Variants in RNF19A observed in about 807,000 individuals in gnomAD.
RNF19A encodes E3 ubiquitin-protein ligase RNF19A.
Under a neutral mutation model 75.7 loss-of-function variants are expected in RNF19A, and 32 were observed. That is an observed-to-expected ratio of 0.42 (90% confidence interval 0.32 to 0.57). RNF19A has a LOEUF of 0.57. Among genes scored for constraint, RNF19A ranks in the 20% least tolerant of loss-of-function variants. RNF19A has a pLI of 0.10. For missense variants in RNF19A, 782 were observed against 1,036.3 expected (o/e 0.75, Z 3.37); for synonymous variants, 335 against 345.2 (o/e 0.97, Z 0.33).
chr8:100,278,335 GAAT>G, intron 2 of RNF19A, among the ~76,000 whole-genome samples: 1 of 152,314 alleles, frequency 6.6e-6, no homozygotes. Flanking sequence ...TATTAGGATT[GAAT>G]ATTAATATCT....
chr8:100,316,948 A>C (rs901529449), intron 1 of RNF19A, among the ~76,000 whole-genome samples: 89 of 152,206 alleles, frequency 5.8e-4, no homozygotes, highest in African/African-American at 2.1e-3. Context: ...TCGGTGAGAA[A>C]TCGAGCGCAG....
Position 100,261,122 on chromosome 8 carries a change from G to C in RNF19A, c.1682+420C>G, listed in dbSNP as rs1056384799. The stretch of plus-strand genomic sequence containing the variant: ...ATTTTTCTTTTTTTTTTTGAGACAG[G>C]GTCTCACTGTCACTCAGGTTGGAGC... On this transcript the variant is annotated intron_variant, in intron 8 of 9. Coordinates refer to ENST00000341084, the MANE Select transcript of RNF19A (RefSeq NM_183419.4). The surrounding 1 kb of genome is among the most constrained non-coding windows in gnomAD (Gnocchi z 4.4). 6.6e-6 allele frequency among the ~76,000 whole-genome samples: 1 copy of C among 151,686 alleles called. No homozygotes were observed. The highest frequency in any genetic ancestry group is 2.4e-5 in the African/African-American group (1 of 41,292).
At chr8:100,301,060 A>G (rs567798449) in intron 1 of RNF19A, among the ~76,000 whole-genome samples, 1 of 152,246 alleles carries the variant, frequency 6.6e-6, no homozygotes. Flanking sequence ...ATTTAGAGCT[A>G]GTAGGTTCGA....
chr8:100,287,723 T>C lies in RNF19A; in HGVS notation c.452A>G (p.His151Arg), dbSNP rs373732744. ...TAAGCAATCCACACAAGATCTGTGA[T>C]GACAAGTCATTATATCAGGAAATCT... The part of the protein sequence containing the change: ...KDRFPDIMTC[H>R]HRSCVDCLRQ... Residue 151 changes from histidine (H) to arginine (R), a missense_variant, in exon 2 of 10, where the codon CAT (histidine) becomes CGT (arginine). This residue lies in a region of RNF19A where 85 missense variants were observed against 177.7 expected (regional missense o/e 0.48). Transcript: ENST00000341084. The surrounding 1 kb of genome is among the most constrained non-coding windows in gnomAD (Gnocchi z 4.1). The C allele has an allele frequency of 3.1e-6, 5 of 1,613,986 alleles. No homozygotes were observed. The highest frequency in any genetic ancestry group is 4.2e-6 in the Non-Finnish European group (5 of 1,179,996).
chr8:100,290,164 G>A (rs1455122347), intron 1 of RNF19A, among the ~76,000 whole-genome samples: 6 of 152,180 alleles, frequency 3.9e-5, no homozygotes, highest in Admixed American at 3.3e-4. Context: ...GCCCAGGCTG[G>A]AGTGCAGTGA....
rs16898112 is a variant in RNF19A, at chr8:100,260,190, G to A, written c.1683-193C>T. On this transcript the variant is annotated intron_variant, in intron 8 of 9. Transcript: ENST00000341084. This position sits in a 1 kb window ranked among gnomAD's most constrained non-coding sequence, Gnocchi z 4.1. The stretch of plus-strand genomic sequence containing the variant: ...AGTACCAGCCATCCAAATAAAATGG[G>A]GAACATCAGCTGTCTGCCAAGTAAA... The A allele has an allele frequency of 0.022, 11,303 of 517,076 alleles. 1,042 individuals are homozygous for A. The highest frequency in any genetic ancestry group is 0.2 in the African/African-American group (9,908 of 50,164). The allele number at this position is 517,076 out of a possible 1,614,324, so 32.0% of individuals were successfully genotyped here. A position where few individuals can be genotyped will look rare whatever the true frequency, so the allele number is the denominator to read the frequency against.
At position 100,259,603 on chromosome 8, in the gene RNF19A, T is replaced by A. The variant is rs1281253831; in HGVS notation, c.1826+251A>T. 2.6e-5 allele frequency among the ~76,000 whole-genome samples: 4 copies of A among 152,156 alleles called. No individual in the cohort carries two copies. The highest frequency in any genetic ancestry group is 5.9e-5 in the Non-Finnish European group (4 of 68,030). On this transcript the variant is annotated intron_variant, in intron 9 of 9. Transcript: ENST00000341084. The surrounding 1 kb of genome is among the most constrained non-coding windows in gnomAD (Gnocchi z 4.5). ...ATCACCACTACCTAACTTCAGAACA[T>A]TTTCATGATCCCAAAAAGGGATCTT...
chr8:100,301,971 A>G (rs960259649), intron 1 of RNF19A, among the ~76,000 whole-genome samples: 1 of 152,166 alleles, frequency 6.6e-6, no homozygotes, highest in African/African-American at 2.4e-5. Context: ...AGCCACTGCA[A>G]AGCCCCTAAG....
chr8:100,329,754 C>G lies in RNF19A; in HGVS notation c.-243+6354G>C, dbSNP rs938468067. 6.6e-6 allele frequency among the ~76,000 whole-genome samples: 1 copy of G among 152,110 alleles called. No homozygotes were observed. Among genetic ancestry groups the G allele is most frequent in the Non-Finnish European group, 1.5e-5 (1 of 68,010 alleles). On this transcript the variant is annotated intron_variant, in intron 1 of 3. Transcript: ENST00000519527. The surrounding 1 kb of genome is among the most constrained non-coding windows in gnomAD (Gnocchi z 4.3). ...AAGTGTCTTCCAACACTTAAAGGAT[C>G]GTCTGATGAAAGAAGAAGTAGCTTC...
In RNF19A at chr8:100,288,071, T is replaced by C. The variant is rs761833362; in HGVS notation, c.104A>G (p.His35Arg). The change falls in exon 2 of 10, where the codon CAT becomes CGT. Residue 35 changes from histidine to arginine, a missense_variant. This residue lies in a region of RNF19A where 148 missense variants were observed against 147.9 expected (regional missense o/e 1.00). Transcript: ENST00000341084. ...ATCTCGATCTGAACCCATTTGCCGA[T>C]GTAAACTCATGTCTAAAATGCTTGT... ...ILTSILDMSL[H>R]RQMGSDRDLQ... The C allele has an allele frequency of 2.8e-5, 45 of 1,614,174 alleles. 1 individual carries two copies. Among genetic ancestry groups the C allele is most frequent in the Non-Finnish European group, 3.3e-5 (39 of 1,180,014 alleles).
Position 100,288,136 on chromosome 8 carries a change from A to C in RNF19A, c.39T>G (p.Asn13Lys), listed in dbSNP as rs746258656. The C allele has an allele frequency of 1.9e-6, 3 of 1,612,410 alleles. No homozygotes were observed. In the South Asian group the frequency reaches 3.3e-5, roughly 18 times the overall value. Residue 13 changes from asparagine (N) to lysine (K), a missense_variant, in exon 2 of 10, where the codon AAT becomes AAG. Asn to Lys is a moderately conservative substitution (Grantham distance 94). Coordinates refer to ENST00000341084, the MANE Select transcript of RNF19A (RefSeq NM_183419.4). ...GGTCAGTGTTTACACACAGCCCTTCATTATATTTAGAGATAAAACCTATTT... is the reference window on the plus strand; with the variant it reads ...GGTCAGTGTTTACACACAGCCCTTCCTTATATTTAGAGATAAAACCTATTT... ...EQEIGFISKYNEGLCVNTDPV... is the reference protein window; with the variant it reads ...EQEIGFISKYKEGLCVNTDPV...
rs1329345793 is a variant in RNF19A, at chr8:100,258,821, T to A, written c.2252A>T (p.His751Leu). 6.2e-7 allele frequency: 1 copy of A among 1,614,164 alleles called. No individual in the cohort carries two copies. The highest frequency in any genetic ancestry group is 1.1e-5 in the South Asian group (1 of 91,092). The change falls in exon 10 of 10, where the codon CAC becomes CTC. Residue 751 changes from histidine (H) to leucine (L), a missense_variant. His to Leu is a moderately conservative substitution (Grantham distance 99). Coordinates refer to ENST00000341084, the MANE Select transcript of RNF19A (RefSeq NM_183419.4). The surrounding 1 kb of genome is among the most constrained non-coding windows in gnomAD (Gnocchi z 4.3). ...TSCSHGSSDY[H>L]TRFATVNILP... ...AATGTTAACAGTAGCAAAGCGGGTG[T>A]GATAATCACTGGAACCATGACTACA... is the stretch of plus-strand genomic sequence containing the variant.
Position 100,257,302 on chromosome 8 carries a change from TAAAAG to T in RNF19A, c.*1249_*1253del, listed in dbSNP as rs1819500979. ...TCAGTAGCACCATAATGGTAATACT[TAAAAG>T]AAATACATAAGATAGAACATTTTAA... On this transcript the variant is annotated 3_prime_UTR_variant, in exon 10 of 10. Coordinates refer to ENST00000341084, the MANE Select transcript of RNF19A (RefSeq NM_183419.4). The T allele has an allele frequency of 6.6e-6, 1 of 152,582 alleles. No homozygotes were observed. Among genetic ancestry groups the T allele is most frequent in the Non-Finnish European group, 1.5e-5 (1 of 68,012 alleles). 9.5% of individuals were successfully genotyped at this position (152,582 alleles called of 1,614,324 possible). A position where few individuals can be genotyped will look rare whatever the true frequency, so the allele number is the denominator to read the frequency against.
In RNF19A at chr8:100,287,370, A is replaced by C. The variant is rs1821073618; in HGVS notation, c.674+131T>G. Reference sequence around the variant, plus strand: ...TAACACCTAGCATAGTGCCTGACATATGGTGTGCACTCAACATGTCTGTTG... The same window carrying C: ...TAACACCTAGCATAGTGCCTGACATCTGGTGTGCACTCAACATGTCTGTTG... On this transcript the variant is annotated intron_variant, in intron 2 of 9. Coordinates refer to ENST00000341084, the MANE Select transcript of RNF19A (RefSeq NM_183419.4). This position sits in a 1 kb window ranked among gnomAD's most constrained non-coding sequence, Gnocchi z 4.1. The C allele has an allele frequency of 1.4e-6, 1 of 726,054 alleles. No individual in the cohort carries two copies. The highest frequency in any genetic ancestry group is 2.2e-6 in the Non-Finnish European group (1 of 445,048). 45.0% of individuals were successfully genotyped at this position (726,054 alleles called of 1,614,324 possible). A position where few individuals can be genotyped will look rare whatever the true frequency, so the allele number is the denominator to read the frequency against.
Position 100,264,935 on chromosome 8 carries a change from A to C in RNF19A, c.1192-150T>G, listed in dbSNP as rs560656160. 5.4e-4 allele frequency: 321 copies of C among 598,288 alleles called. 2 individuals carry two copies. Among genetic ancestry groups the C allele is most frequent in the South Asian group, 1.8e-3 (87 of 48,750 alleles). 37.1% of individuals were successfully genotyped at this position (598,288 alleles called of 1,614,324 possible). A position where few individuals can be genotyped will look rare whatever the true frequency, so the allele number is the denominator to read the frequency against. ...TCAAGGTAAACCTACTAGTGTCCTTAAACTATTATATATTCTCACAAATAA... is the reference window on the plus strand; with the variant it reads ...TCAAGGTAAACCTACTAGTGTCCTTCAACTATTATATATTCTCACAAATAA... On this transcript the variant is annotated intron_variant, in intron 5 of 9. Coordinates refer to ENST00000341084, the MANE Select transcript of RNF19A (RefSeq NM_183419.4). This position sits in a 1 kb window ranked among gnomAD's most constrained non-coding sequence, Gnocchi z 4.7.
At chr8:100,274,742 T>A (rs1213756351) in intron 3 of RNF19A, among the ~76,000 whole-genome samples, 1 of 152,166 alleles carries the variant, frequency 6.6e-6, no homozygotes, top group Admixed American at 6.5e-5. Context: ...ATATAAATCA[T>A]CACAACACTT....
In RNF19A at chr8:100,261,443, G is replaced by T; in HGVS notation, c.1682+99C>A. On this transcript the variant is annotated intron_variant, in intron 8 of 9. Coordinates refer to ENST00000341084, the MANE Select transcript of RNF19A (RefSeq NM_183419.4). The surrounding 1 kb of genome is among the most constrained non-coding windows in gnomAD (Gnocchi z 4.4). ...TACTATTTTGAACCTTGACATAGTA[G>T]GGTTATATATAATCATCATGCTTTA... The T allele has an allele frequency of 1.9e-6, 2 of 1,041,936 alleles. No individual in the cohort carries two copies. 64.5% of individuals were successfully genotyped at this position (1,041,936 alleles called of 1,614,324 possible). A position where few individuals can be genotyped will look rare whatever the true frequency, so the allele number is the denominator to read the frequency against.
rs577112939 is a variant in RNF19A, at chr8:100,258,316, C to T, written c.*240G>A. ...AATGTTTTGTGGCAAACACACAAAACATGCTTTGCTCTTCAAATTTATTAT... is the reference window on the plus strand; with the variant it reads ...AATGTTTTGTGGCAAACACACAAAATATGCTTTGCTCTTCAAATTTATTAT... On this transcript the variant is annotated 3_prime_UTR_variant, in exon 10 of 10. Transcript: ENST00000341084. This position sits in a 1 kb window ranked among gnomAD's most constrained non-coding sequence, Gnocchi z 4.3. The T allele has an allele frequency of 3.6e-5, 16 of 450,348 alleles. No individual in the cohort carries two copies. Among genetic ancestry groups the T allele is most frequent in the Non-Finnish European group, 6.2e-5 (16 of 257,112 alleles). The allele number at this position is 450,348 out of a possible 1,614,324, so 27.9% of individuals were successfully genotyped here.
Position 100,260,692 on chromosome 8 carries a change from C to T in RNF19A, c.1683-695G>A, listed in dbSNP as rs930298004. The stretch of plus-strand genomic sequence containing the variant: ...CTTTTAATTCATGTATTCTCCCCTA[C>T]ACTTAAAAAAAGCAAGGCTAATAAG... On this transcript the variant is annotated intron_variant, in intron 8 of 9. Transcript: ENST00000341084. This position sits in a 1 kb window ranked among gnomAD's most constrained non-coding sequence, Gnocchi z 4.1. Among the ~76,000 whole-genome samples, 9 of 152,126 alleles carry T rather than the reference C, an allele frequency of 5.9e-5. No individual in the cohort carries two copies. The East Asian group carries it at 1.7e-3, about 29-fold the overall frequency.
Sources: gnomAD v4.1 joint callset for allele counts (sites outside exome capture counted in the v4.1 genomes callset) on GRCh38, gnomAD v4.1.1 for gene constraint, gnomAD v4.1.1 regional missense constraint, Gnocchi (gnomAD v3.1) non-coding constraint, MANE v1.5 for transcripts, NCBI Gene and HGNC (gene_info 2026-07-23, HGNC 2026-07-21) for gene names.